Variants in SPECC1L observed in about 807,000 individuals in gnomAD.
SPECC1L encodes the protein sperm antigen with calponin homology and coiled-coil domains 1 like, also known as cytospin-A.
Under a neutral mutation model 116.8 loss-of-function variants are expected in SPECC1L, and 40 were observed. That is an observed-to-expected ratio of 0.34 (90% CI 0.27 to 0.45). The LOEUF (loss-of-function observed/expected upper bound fraction) is 0.45. SPECC1L is among the 20% of genes least tolerant of loss of function. The probability of loss-of-function intolerance (pLI) is 1.00; values close to 1 mark genes in which losing one functional copy is unlikely to be tolerated. For missense variants in SPECC1L, 1,110 were observed against 1,373.6 expected (o/e 0.81, Z 3.03); for synonymous variants, 504 against 500.6 (o/e 1.01, Z -0.09).
chr22:24,316,807 C>G (rs374050860), intron 4 of SPECC1L, among the ~76,000 whole-genome samples: 33 of 146,344 alleles, frequency 2.3e-4, no homozygotes, highest in African/African-American at 6.1e-4. Context: ...ACCTCCCAGA[C>G]GGGGTGGTGG....
At chr22:24,324,815 C>T (rs1232291997) in intron 6 of SPECC1L, among the ~76,000 whole-genome samples, 1 of 152,194 alleles carries the variant, frequency 6.6e-6, no homozygotes, top group Non-Finnish European at 1.5e-5. Flanking sequence ...TGTGCCAGTG[C>T]AGTCAAGCCT....
chr22:24,337,996 GCAACTATTGAA>G (rs2041096375), intron 9 of SPECC1L, among the ~76,000 whole-genome samples: 1 of 152,114 alleles, frequency 6.6e-6, no homozygotes, highest in South Asian at 2.1e-4. Context: ...TGTTTAATAT[GCAACTATTGAA>G]CATCCTTTAC....
At chr22:24,347,036 G>C (rs375280156) in intron 10 of SPECC1L, 50 bp from the exon 11 acceptor site, 14 of 1,397,236 alleles carry the variant, frequency 1.0e-5, no homozygotes, top group Non-Finnish European at 1.4e-5. Flanking sequence ...TTTACTTTGT[G>C]AGTCCAAACA....
chr22:24,294,451 G>A (rs888688140), intron 2 of SPECC1L, among the ~76,000 whole-genome samples: 12 of 149,286 alleles, frequency 8.0e-5, no homozygotes, highest in Non-Finnish European at 1.3e-4. Flanking sequence ...GCACGATATC[G>A]GCTCATTGCA....
Position 24,414,765 on chromosome 22 carries a change from T to G in SPECC1L, c.*142T>G. On this transcript the variant is annotated 3_prime_UTR_variant, in exon 17 of 17. Coordinates refer to ENST00000314328, the MANE Select transcript of SPECC1L (RefSeq NM_015330.6). ...AGCGTGTGAGCCTCCAGCTCGGGGC[T>G]TCCGTATTGGAAGAACTCAGCCGTG... 1 of 716,808 alleles carries G rather than the reference T, an allele frequency of 1.4e-6. No individual in the cohort carries two copies. Among genetic ancestry groups the G allele is most frequent in the Non-Finnish European group, 2.4e-6 (1 of 409,658 alleles). 44.4% of individuals were successfully genotyped at this position (716,808 alleles called of 1,614,324 possible).
intron 2 of SPECC1L, among the ~76,000 whole-genome samples, chr22:24,285,170 GGATT>G (rs1377334456): frequency 6.6e-6 from 1 of 152,168 alleles, no homozygotes; most frequent in Admixed American, 6.5e-5. Flanking sequence ...GCAGCCCTGG[GGATT>G]GTAGTGGAAA....
chr22:24,301,285 A>G (rs1265117281), intron 2 of SPECC1L, among the ~76,000 whole-genome samples: 1 of 152,184 alleles, frequency 6.6e-6, no homozygotes, highest in African/African-American at 2.4e-5. Context: ...AAACAACCCC[A>G]TCAAAAATTG....
intron 14 of SPECC1L, among the ~76,000 whole-genome samples, chr22:24,390,873 T>TTTTTTTTTTTC (rs2042255234): frequency 3.9e-4 from 20 of 50,932 alleles, no homozygotes; most frequent in Non-Finnish European, 5.5e-4. Flanking sequence ...TTTTCTTTTC[T>TTTTTTTTTTTC]TTTTTTTTTT....
chr22:24,303,675 C>T (rs1440813852), intron 3 of SPECC1L, among the ~76,000 whole-genome samples: 1 of 152,152 alleles, frequency 6.6e-6, no homozygotes, highest in Admixed American at 6.5e-5. Flanking sequence ...ATGGAATGTG[C>T]ACTGAGCAGG....
rs200462050 is a variant in SPECC1L, at chr22:24,321,360, G to T, written c.380G>T (p.Arg127Leu). Residue 127 changes from arginine (R) to leucine (L), a missense_variant, in exon 5 of 17, where the codon CGT (arginine) becomes CTT (leucine). Physicochemically the swap from Arg to Leu is moderately radical, Grantham distance 102 (BLOSUM62 -2). This residue lies in a region of SPECC1L where 437 missense variants were observed against 482.6 expected (regional missense o/e 0.91). Coordinates refer to ENST00000314328, the MANE Select transcript of SPECC1L (RefSeq NM_015330.6). ...TCCAGTTCTACTAGAGAAAGATTAC[G>T]TGAACGTACCCGATTAAACCAGAGC... ...KESSSTRERLRERTRLNQSKK... is the reference protein window; with the variant it reads ...KESSSTRERLLERTRLNQSKK... The T allele has an allele frequency of 1.9e-6, 3 of 1,614,248 alleles. No individual in the cohort carries two copies. In the South Asian group the frequency reaches 3.3e-5, roughly 18 times the overall value.
chr22:24,383,262 T>C (rs1326943271), intron 14 of SPECC1L, among the ~76,000 whole-genome samples: 1 of 152,182 alleles, frequency 6.6e-6, no homozygotes, highest in East Asian at 1.9e-4. Flanking sequence ...ATTTGAAACA[T>C]AGTATCCTGC....
chr22:24,383,792 A>ATTTTTTTTTTTTTTTTTTTTTTTTT (rs538972717), intron 14 of SPECC1L, among the ~76,000 whole-genome samples: 1 of 77,338 alleles, frequency 1.3e-5, no homozygotes, highest in Non-Finnish European at 2.3e-5. Flanking sequence ...ACCCACCACT[A>ATTTTTTTTTTTTTTTTTTTTTTTTT]TTTTTTTTTT....
At chr22:24,371,730 G>T (rs960056004) in intron 14 of SPECC1L, among the ~76,000 whole-genome samples, 4 of 151,882 alleles carry the variant, frequency 2.6e-5, no homozygotes, top group Non-Finnish European at 5.9e-5. Flanking sequence ...TTGATTGATT[G>T]ATCGATTGAG....
chr22:24,412,442 A>T, intron 15 of SPECC1L: 1 of 643,938 alleles, frequency 1.6e-6, no homozygotes, highest in Admixed American at 2.2e-5. Flanking sequence ...GGGTCACTGC[A>T]GCAGGTCAGG....
At chr22:24,375,752 A>G (rs1354246140) in intron 14 of SPECC1L, among the ~76,000 whole-genome samples, 1 of 152,202 alleles carries the variant, frequency 6.6e-6, no homozygotes, top group Non-Finnish European at 1.5e-5. Context: ...CCAGGAGTTC[A>G]AGACCAGCCT....
chr22:24,291,186 G>A (rs1186018447), intron 2 of SPECC1L, among the ~76,000 whole-genome samples: 1 of 152,168 alleles, frequency 6.6e-6, no homozygotes. Flanking sequence ...GGTATTGATA[G>A]GCATAAAAAG....
chr22:24,271,015 C>G (rs1050735622), intron 1 of SPECC1L, 32 bp downstream of exon 1: 3 of 152,330 alleles, frequency 2.0e-5, no homozygotes, highest in African/African-American at 7.2e-5. Flanking sequence ...CCGCAGTGTT[C>G]GCTGGCGGGT....
intron 11 of SPECC1L, among the ~76,000 whole-genome samples, chr22:24,347,446 G>A (rs1333759918): frequency 6.6e-6 from 1 of 152,174 alleles, no homozygotes; most frequent in East Asian, 1.9e-4. Flanking sequence ...CATGGCATAT[G>A]TATTATTGTC....
chr22:24,366,272 A>G (rs989087469), intron 13 of SPECC1L, among the ~76,000 whole-genome samples: 1 of 151,690 alleles, frequency 6.6e-6, no homozygotes, highest in Non-Finnish European at 1.5e-5. Flanking sequence ...GGCTCACTGC[A>G]GGCTCCGCCC....
Sources: allele counts gnomAD v4.1 joint callset (sites outside exome capture counted in the v4.1 genomes callset), GRCh38; gene constraint gnomAD v4.1.1; regional missense constraint gnomAD v4.1.1; transcripts MANE v1.5; gene names NCBI Gene and HGNC (gene_info 2026-07-23, HGNC 2026-07-21).